The following C22orf39 variants were observed in gnomAD, a reference collection of about 807,000 sequenced individuals.
C22orf39 encodes the protein chromosome 22 open reading frame 39, also known as synaptic plasticity regulator PANTS.
In C22orf39, 20 loss-of-function variants were observed where a neutral mutation model predicts 18.3. That is an observed-to-expected ratio of 1.09 (90% CI 0.77 to 1.59). The LOEUF (loss-of-function observed/expected upper bound fraction) is 1.59, where lower values mean the gene tolerates loss of function less well. Ranked by LOEUF, C22orf39 falls within the 40% of genes most tolerant of loss-of-function variation. C22orf39 has a pLI of 0.00. For synonymous variants in C22orf39, 63 were observed against 59.6 expected (o/e 1.06, Z -0.26); for missense variants, 195 against 156.1 (o/e 1.25, Z -1.33).
chr22:19,441,849 G>C lies in C22orf39; in HGVS notation c.*2416C>G, dbSNP rs183347851. 147 of 952,982 alleles carry C rather than the reference G, an allele frequency of 1.5e-4. No homozygotes were observed. The East Asian group carries it at 4.0e-3, about 26-fold the overall frequency. 59.0% of individuals were successfully genotyped at this position (952,982 alleles called of 1,614,324 possible). A position where few individuals can be genotyped will look rare whatever the true frequency, so the allele number is the denominator to read the frequency against. Reference sequence around the variant, plus strand: ...GCTCTGTCACCCAGGTTGAAGTGCAGTGGGGCACAATCATGGCTCACTGCA... The same window carrying C: ...GCTCTGTCACCCAGGTTGAAGTGCACTGGGGCACAATCATGGCTCACTGCA... On this transcript the variant is annotated 3_prime_UTR_variant, in exon 3 of 3. Transcript: ENST00000399562.
In C22orf39 at chr22:19,443,700, G is replaced by A; in HGVS notation, c.*565C>T. 6 of 985,068 alleles carry A rather than the reference G, an allele frequency of 6.1e-6. No individual in the cohort carries two copies. Among genetic ancestry groups the A allele is most frequent in the Non-Finnish European group, 7.2e-6 (6 of 829,920 alleles). The allele number at this position is 985,068 out of a possible 1,614,324, so 61.0% of individuals were successfully genotyped here. On this transcript the variant is annotated 3_prime_UTR_variant, in exon 3 of 3. Coordinates refer to ENST00000399562, the MANE Select transcript of C22orf39 (RefSeq NM_173793.5). ...GGGCCGACCTGGGAGCCTAAGAAGT[G>A]AAGCCTGCTGGTGCAGAGGGGCCAG...
chr22:19,443,020 T>C lies in C22orf39; in HGVS notation c.*1245A>G, dbSNP rs2089621412. 3.5e-6 allele frequency: 2 copies of C among 567,574 alleles called. No homozygotes were observed. The highest frequency in any genetic ancestry group is 4.1e-5 in the African/African-American group (2 of 48,510). 35.2% of individuals were successfully genotyped at this position (567,574 alleles called of 1,614,324 possible). A position where few individuals can be genotyped will look rare whatever the true frequency, so the allele number is the denominator to read the frequency against. On this transcript the variant is annotated 3_prime_UTR_variant, in exon 3 of 3. Coordinates refer to ENST00000399562, the MANE Select transcript of C22orf39 (RefSeq NM_173793.5). Reference sequence around the variant, plus strand: ...CTTAGACACATCAGTACTCCCCTGATGATGGGGGAACGCTGGCTCCTCTTT... The same window carrying C: ...CTTAGACACATCAGTACTCCCCTGACGATGGGGGAACGCTGGCTCCTCTTT...
chr22:19,447,473 A>G lies in C22orf39; in HGVS notation c.97T>C (p.Tyr33His). ...GCCGGCCGCTCGCCGTGGACGTAGT[A>G]GTGGTGTAGGAAGTGCCTGGCGCTG... is the stretch of plus-strand genomic sequence containing the variant. ...CRSARHFLHH[Y>H]YVHGERPACE... The change falls in exon 2 of 3, where the codon TAC becomes CAC. Residue 33 changes from tyrosine (Y) to histidine (H), a missense_variant. Transcript: ENST00000399562. 6.6e-7 allele frequency: 1 copy of G among 1,521,918 alleles called. No individual in the cohort carries two copies. The allele number at this position is 1,521,918 out of a possible 1,614,324, so 94.3% of individuals were successfully genotyped here.
chr22:19,442,224 C>T lies in C22orf39; in HGVS notation c.*2041G>A, dbSNP rs897566002. The T allele has an allele frequency of 2.0e-5, 3 of 152,734 alleles. No individual in the cohort carries two copies. The highest frequency in any genetic ancestry group is 7.2e-5 in the African/African-American group (3 of 41,452). The allele number at this position is 152,734 out of a possible 1,614,324, so 9.5% of individuals were successfully genotyped here. A position where few individuals can be genotyped will look rare whatever the true frequency, so the allele number is the denominator to read the frequency against. Reference sequence around the variant, plus strand: ...CCTCAAACCCTGTCCAACATGTGGACACTCAGATGTTGTGAAGCAATTGAC... The same window carrying T: ...CCTCAAACCCTGTCCAACATGTGGATACTCAGATGTTGTGAAGCAATTGAC... On this transcript the variant is annotated 3_prime_UTR_variant, in exon 3 of 3. Coordinates refer to ENST00000399562, the MANE Select transcript of C22orf39 (RefSeq NM_173793.5).
rs2089615080 is a variant in C22orf39 at position 19,441,927 on chromosome 22, TG to T, written c.*2337del. On this transcript the variant is annotated 3_prime_UTR_variant, in exon 3 of 3. Transcript: ENST00000399562. The stretch of plus-strand genomic sequence containing the variant: ...CTCCTATCTCAGCCTCCGAAGTAGC[TG>T]GAACTACAAATGCACGCCACCATGC... 2.0e-6 allele frequency: 1 copy of T among 495,440 alleles called. No homozygotes were observed. The highest frequency in any genetic ancestry group is 2.8e-5 in the South Asian group (1 of 35,836). 30.7% of individuals were successfully genotyped at this position (495,440 alleles called of 1,614,324 possible).
At position 19,447,480 on chromosome 22, in the gene C22orf39, T is replaced by G. The variant is rs764199797; in HGVS notation, c.90A>C (p.Leu30=). 12 of 1,511,864 alleles carry G rather than the reference T, an allele frequency of 7.9e-6. No homozygotes were observed. In the East Asian group the frequency reaches 8.1e-5, roughly 10 times the overall value. The allele number at this position is 1,511,864 out of a possible 1,614,324, so 93.7% of individuals were successfully genotyped here. Reference sequence around the variant, plus strand: ...GCTCGCCGTGGACGTAGTAGTGGTGTAGGAAGTGCCTGGCGCTGCGGCAGA... The same window carrying G: ...GCTCGCCGTGGACGTAGTAGTGGTGGAGGAAGTGCCTGGCGCTGCGGCAGA... ...WKLCRSARHF[L]HHYYVHGERP... Residue 30 remains leucine, a synonymous_variant, in exon 2 of 3, where the codon CTA becomes CTC. Transcript: ENST00000399562.
Position 19,447,683 on chromosome 22 carries a change from C to T in C22orf39, c.6G>A (p.Ala2=), listed in dbSNP as rs375089956. M[A]DGSGWQPPRP... ...CACTCACCTGCCAGCCGCTGCCGTC[C>T]GCCATGTCTGGGCGACCGGCGCGCC... is the stretch of plus-strand genomic sequence containing the variant. Residue 2 remains alanine, a synonymous_variant, in exon 1 of 3, where the codon GCG becomes GCA. Coordinates refer to ENST00000399562, the MANE Select transcript of C22orf39 (RefSeq NM_173793.5). 3.7e-6 allele frequency: 6 copies of T among 1,610,720 alleles called. No homozygotes were observed. The highest frequency in any genetic ancestry group is 1.3e-5 in the African/African-American group (1 of 74,812).
chr22:19,446,685 T>G (rs1391562542), intron 2 of C22orf39, among the ~76,000 whole-genome samples: 2 of 152,130 alleles, frequency 1.3e-5, no homozygotes, highest in African/African-American at 4.8e-5. Flanking sequence ...GCAAACAGAT[T>G]GAACTTCTTT....
At chr22:19,444,423 C>G (rs1222397884) in intron 2 of C22orf39, 33 bp from the exon 3 acceptor site, 1 of 1,584,320 alleles carries the variant, frequency 6.3e-7, no homozygotes, top group Non-Finnish European at 8.5e-7. Context: ...ACTCCCCAGG[C>G]TCTGAGCACC....
rs2089614230 is a variant in C22orf39 at position 19,441,784 on chromosome 22, TA to T, written c.*2480del. The T allele has an allele frequency of 2.1e-6, 3 of 1,450,026 alleles. No homozygotes were observed. The highest frequency in any genetic ancestry group is 2.8e-6 in the Non-Finnish European group (3 of 1,088,592). 89.8% of individuals were successfully genotyped at this position (1,450,026 alleles called of 1,614,324 possible). On this transcript the variant is annotated 3_prime_UTR_variant, in exon 3 of 3. Transcript: ENST00000399562. ...TAAAATACCAAACTGCTTCAGAAATTACCACCATTTTATTTTTATTTATTTT... is the reference window on the plus strand; with the variant it reads ...TAAAATACCAAACTGCTTCAGAAATTCCACCATTTTATTTTTATTTATTTT...
At position 19,444,005 on chromosome 22, in the gene C22orf39, C is replaced by T. The variant is rs949215071; in HGVS notation, c.*260G>A. 7 of 1,222,116 alleles carry T rather than the reference C, an allele frequency of 5.7e-6. No homozygotes were observed. The highest frequency in any genetic ancestry group is 3.2e-4 in the Middle Eastern group (1 of 3,170). The allele number at this position is 1,222,116 out of a possible 1,614,324, so 75.7% of individuals were successfully genotyped here. On this transcript the variant is annotated 3_prime_UTR_variant, in exon 3 of 3. Coordinates refer to ENST00000399562, the MANE Select transcript of C22orf39 (RefSeq NM_173793.5). ...ATGCCCAGCCTGACCTGGCTGCTCA[C>T]AAGTACCTGCCATAATGCTTGGCCT...
intron 2 of C22orf39, 24 bp from the exon 3 acceptor site, chr22:19,444,414 C>T: frequency 3.1e-6 from 5 of 1,588,246 alleles, no homozygotes; most frequent in Non-Finnish European, 4.3e-6. Flanking sequence ...ACTCTAGTCA[C>T]TCCCCAGGCT....
chr22:19,443,815 C>A lies in C22orf39; in HGVS notation c.*450G>T. 1 of 985,326 alleles carries A rather than the reference C, an allele frequency of 1.0e-6. No homozygotes were observed. Among genetic ancestry groups the A allele is most frequent in the Non-Finnish European group, 1.2e-6 (1 of 830,372 alleles). 61.0% of individuals were successfully genotyped at this position (985,326 alleles called of 1,614,324 possible). A position where few individuals can be genotyped will look rare whatever the true frequency, so the allele number is the denominator to read the frequency against. Reference sequence around the variant, plus strand: ...GTGAGCACTCACAATGCTCACCAAACCTGGGACGTGGCAGGCAGTTTCCCA... The same window carrying A: ...GTGAGCACTCACAATGCTCACCAAAACTGGGACGTGGCAGGCAGTTTCCCA... On this transcript the variant is annotated 3_prime_UTR_variant, in exon 3 of 3. Coordinates refer to ENST00000399562, the MANE Select transcript of C22orf39 (RefSeq NM_173793.5).
chr22:19,447,413 G>C lies in C22orf39; in HGVS notation c.157C>G (p.Arg53Gly). ...GCGTTCCGGCGCTCCTCCCAGTCGC[G>C]GCAGCTGGCCAGGTCGCGCTGCCAC... The part of the protein sequence containing the change: ...EQWQRDLASC[R>G]DWEERRNAEA... Residue 53 changes from arginine to glycine, a missense_variant, in exon 2 of 3, where the codon CGC (arginine) becomes GGC (glycine). Arg to Gly is a moderately radical substitution (Grantham distance 125). Transcript: ENST00000399562. 2 of 1,506,418 alleles carry C rather than the reference G, an allele frequency of 1.3e-6. No homozygotes were observed. Among genetic ancestry groups the C allele is most frequent in the Non-Finnish European group, 1.8e-6 (2 of 1,135,362 alleles). The allele number at this position is 1,506,418 out of a possible 1,614,324, so 93.3% of individuals were successfully genotyped here.
chr22:19,446,404 T>C (rs1233498007), intron 2 of C22orf39, among the ~76,000 whole-genome samples: 2 of 152,172 alleles, frequency 1.3e-5, no homozygotes, highest in Non-Finnish European at 2.9e-5. Context: ...AATGTTGAAG[T>C]GTTGATCAGT....
rs1402537803 is a variant in C22orf39 at position 19,441,771 on chromosome 22, C to G, written c.*2494G>C. ...CATACCACCACCATAAAATACCAAA[C>G]TGCTTCAGAAATTACCACCATTTTA... On this transcript the variant is annotated 3_prime_UTR_variant, in exon 3 of 3. Transcript: ENST00000399562. 1 of 1,485,134 alleles carries G rather than the reference C, an allele frequency of 6.7e-7. No homozygotes were observed. Among genetic ancestry groups the G allele is most frequent in the Admixed American group, 2.5e-5 (1 of 40,218 alleles). The allele number at this position is 1,485,134 out of a possible 1,614,324, so 92.0% of individuals were successfully genotyped here.
Position 19,443,431 on chromosome 22 carries a change from T to C in C22orf39, c.*834A>G, listed in dbSNP as rs2089624106. 1 of 985,740 alleles carries C rather than the reference T, an allele frequency of 1.0e-6. No homozygotes were observed. The highest frequency in any genetic ancestry group is 1.7e-5 in the African/African-American group (1 of 57,248). 61.1% of individuals were successfully genotyped at this position (985,740 alleles called of 1,614,324 possible). On this transcript the variant is annotated 3_prime_UTR_variant, in exon 3 of 3. Transcript: ENST00000399562. ...AGAGAATAAGCATACAAATTTCTAA[T>C]ACTGTCCAGGTACAACACTGTTACA... is the stretch of plus-strand genomic sequence containing the variant.
chr22:19,446,718 CCCT>C (rs1335442499), intron 2 of C22orf39, among the ~76,000 whole-genome samples: 1 of 151,866 alleles, frequency 6.6e-6, no homozygotes, highest in East Asian at 1.9e-4. Flanking sequence ...TTTTTTTCCC[CCCT>C]GAGACAGGTC....
In C22orf39 at chr22:19,442,351, G is replaced by A. The variant is rs576293112; in HGVS notation, c.*1914C>T. ...AAAACATGATAGTCACACTACAGAG[G>A]CAGGACTTAATGCTTCCTAACAGAG... On this transcript the variant is annotated 3_prime_UTR_variant, in exon 3 of 3. Coordinates refer to ENST00000399562, the MANE Select transcript of C22orf39 (RefSeq NM_173793.5). The A allele has an allele frequency of 6.6e-6, 1 of 152,554 alleles. No homozygotes were observed. The highest frequency in any genetic ancestry group is 1.9e-4 in the East Asian group (1 of 5,194). The allele number at this position is 152,554 out of a possible 1,614,324, so 9.5% of individuals were successfully genotyped here.
Sources: gnomAD v4.1 joint callset for allele counts (sites outside exome capture counted in the v4.1 genomes callset) on GRCh38, gnomAD v4.1.1 for gene constraint, MANE v1.5 for transcripts, NCBI Gene and HGNC (gene_info 2026-07-23, HGNC 2026-07-21) for gene names.